The following ABCA13 variants were observed in gnomAD, a reference collection of about 807,000 sequenced individuals.
ABCA13 encodes ATP binding cassette subfamily A member 13.
A neutral mutation model predicts 478.7 loss-of-function variants in ABCA13; 476 were observed. That is an observed-to-expected ratio of 0.99 (90% CI 0.92 to 1.07). The LOEUF is 1.07. Among genes scored for constraint, ABCA13 ranks in the 50% least tolerant of loss-of-function variants. The probability of loss-of-function intolerance (pLI) is 0.00; values close to 1 mark genes in which losing one functional copy is unlikely to be tolerated. For missense variants in ABCA13, 6,060 were observed against 5,910.6 expected, an observed-to-expected ratio of 1.03 and a Z score of -0.83; for synonymous variants, 2,252 against 2,158.9, an observed-to-expected ratio of 1.04 and a Z score of -1.20.
intron 43 of ABCA13, among the ~76,000 whole-genome samples, chr7:48,466,732 A>C (rs1384964545): frequency 1.3e-5 from 2 of 152,236 alleles, no homozygotes; most frequent in Admixed American, 6.5e-5. Context: ...ATAAAAATGC[A>C]TATCTGATGG....
chr7:48,346,060 A>C (rs1439869730), intron 29 of ABCA13, among the ~76,000 whole-genome samples: 1 of 152,214 alleles, frequency 6.6e-6, no homozygotes, highest in African/African-American at 2.4e-5. Context: ...GCAATAGGCT[A>C]TGCTATACAG....
chr7:48,338,296 C>T (rs954654336), intron 28 of ABCA13, 69 bp from the exon 29 acceptor site: 2 of 1,160,390 alleles, frequency 1.7e-6, no homozygotes, highest in African/African-American at 1.6e-5. Context: ...TTGAATAAGT[C>T]TAATAAGTAT....
intron 56 of ABCA13, among the ~76,000 whole-genome samples, chr7:48,584,527 C>T (rs1371978861): frequency 6.6e-6 from 1 of 152,052 alleles, no homozygotes; most frequent in Non-Finnish European, 1.5e-5. Context: ...CTATATTGAG[C>T]CCATGTGGGT....
intron 38 of ABCA13, among the ~76,000 whole-genome samples, chr7:48,394,380 T>A (rs1292213783): frequency 1.3e-5 from 2 of 152,178 alleles, no homozygotes; most frequent in Non-Finnish European, 2.9e-5. Context: ...TTCGCTGCGT[T>A]CGTGTTGTGA....
intron 49 of ABCA13, among the ~76,000 whole-genome samples, chr7:48,507,207 G>A (rs1563367475): frequency 1.3e-5 from 2 of 152,192 alleles, no homozygotes; most frequent in Non-Finnish European, 2.9e-5. Context: ...CGACACGATG[G>A]AGCAGAAGGC....
rs576649678 is a variant in ABCA13, at chr7:48,198,298, T to G, written c.225T>G (p.Leu75=). ...TTATCCCCTTTGTTCAAAGCCTTCT[T>G]TGTAACACTGGATCAAGGTGTAGGA... ...CGVIPFVQSL[L]CNTGSRCRNF... Residue 75 remains leucine (L), a synonymous_variant, in exon 3 of 62, where the codon CTT becomes CTG. Transcript: ENST00000435803. 6.2e-7 allele frequency: 1 copy of G among 1,613,842 alleles called. No homozygotes were observed. The highest frequency in any genetic ancestry group is 1.7e-5 in the Admixed American group (1 of 60,018).
At chr7:48,418,447 G>A (rs188847270) in intron 41 of ABCA13, among the ~76,000 whole-genome samples, 135 of 152,300 alleles carry the variant, frequency 8.9e-4, no homozygotes, top group African/African-American at 3.2e-3. Flanking sequence ...ATGATGTGGA[G>A]CAACTTTTCA....
chr7:48,229,762 A>C, intron 6 of ABCA13, 63 bp from the exon 7 acceptor site: 1 of 1,597,068 alleles, frequency 6.3e-7, no homozygotes, highest in Non-Finnish European at 8.6e-7. Context: ...TAAACCTAGA[A>C]TTGATGCTAC....
At chr7:48,516,997 T>G (rs1486073265) in intron 52 of ABCA13, 116 bp downstream of exon 52, 1 of 1,159,764 alleles carries the variant, frequency 8.6e-7, no homozygotes, top group Non-Finnish European at 1.2e-6. Context: ...TGCATTGGTA[T>G]CCACTGTCTT....
At position 48,520,211 on chromosome 7, in the gene ABCA13, G is replaced by C; in HGVS notation, c.13968G>C (p.Trp4656Cys). ...VSPFEMNFLGWIFVQLASQGT... is the reference protein window; with the variant it reads ...VSPFEMNFLGCIFVQLASQGT... The stretch of plus-strand genomic sequence containing the variant: ...CCTTTGAGATGAACTTTCTGGGCTG[G>C]ATCTTCGTGCAACTGGCCTCGCAGG... The change falls in exon 53 of 62, where the codon TGG becomes TGC. Residue 4656 changes from tryptophan (W) to cysteine (C), a missense_variant. Trp to Cys is a radical substitution (Grantham distance 215). Transcript: ENST00000435803. 6.2e-7 allele frequency: 1 copy of C among 1,613,628 alleles called. No homozygotes were observed. The highest frequency in any genetic ancestry group is 1.3e-5 in the African/African-American group (1 of 74,962).
At chr7:48,344,911 T>C (rs1807823593) in intron 29 of ABCA13, among the ~76,000 whole-genome samples, 1 of 152,232 alleles carries the variant, frequency 6.6e-6, no homozygotes, top group Non-Finnish European at 1.5e-5. Flanking sequence ...ACAAAGATAT[T>C]GCTTCTTTCC....
chr7:48,275,061 T>C lies in ABCA13; in HGVS notation c.5395T>C (p.Leu1799=), dbSNP rs749233194. ...CTTCGCAATTGTGATAAAAATTCTT[T>C]TGGATACAATTGAATTAGTATCAGA... ...EDFAIVIKIL[L]DTIELVSDKP... The change falls in exon 17 of 62, where the codon TTG becomes CTG. Residue 1799 remains leucine, a synonymous_variant. Coordinates refer to ENST00000435803, the MANE Select transcript of ABCA13 (RefSeq NM_152701.5). 18 of 1,613,342 alleles carry C rather than the reference T, an allele frequency of 1.1e-5. No homozygotes were observed. Among genetic ancestry groups the C allele is most frequent in the Non-Finnish European group, 1.4e-5 (17 of 1,179,610 alleles).
intron 1 of ABCA13, among the ~76,000 whole-genome samples, chr7:48,179,511 G>A (rs1795360679): frequency 1.3e-5 from 2 of 152,184 alleles, no homozygotes; most frequent in African/African-American, 4.8e-5. Flanking sequence ...GGCTGTCCCG[G>A]CCAGACAGCA....
chr7:48,205,160 G>A (rs770609075), intron 3 of ABCA13, among the ~76,000 whole-genome samples: 6 of 152,130 alleles, frequency 3.9e-5, no homozygotes, highest in African/African-American at 1.4e-4. Context: ...TTTTTACACC[G>A]TGTTTAGTAT....
In ABCA13 at chr7:48,215,351, C is replaced by T. The variant is rs180840736; in HGVS notation, c.288-4003C>T. Among the ~76,000 whole-genome samples the T allele has an allele frequency of 2.6e-5, 4 of 152,140 alleles. No homozygotes were observed. The East Asian group carries it at 7.7e-4, about 29-fold the overall frequency. On this transcript the variant is annotated intron_variant, in intron 3 of 61. Transcript: ENST00000435803. ...AATATTTATTGATTGAGTTCTCCAT[C>T]TTATATGGGCATGGTTTGTGGCATC...
intron 1 of ABCA13, among the ~76,000 whole-genome samples, chr7:48,175,754 C>T (rs771151821): frequency 6.6e-6 from 1 of 152,086 alleles, no homozygotes; most frequent in Admixed American, 6.5e-5. Context: ...TATAGTCATC[C>T]TATAGTCATA....
At position 48,483,068 on chromosome 7, in the gene ABCA13, G is replaced by A. The variant is rs747470584; in HGVS notation, c.13095-8G>A. 6.2e-7 allele frequency: 1 copy of A among 1,606,830 alleles called. No homozygotes were observed. Among genetic ancestry groups the A allele is most frequent in the Non-Finnish European group, 8.5e-7 (1 of 1,176,848 alleles). ...TTGAAGCACTAACACAATGTTCATT[G>A]TTAACAGGCTTGGAGGTTGGTCTTT... On this transcript the variant is annotated splice_polypyrimidine_tract_variant and splice_region_variant and intron_variant, in intron 46 of 61. Coordinates refer to ENST00000435803, the MANE Select transcript of ABCA13 (RefSeq NM_152701.5).
At chr7:48,394,199 G>A (rs547482745) in intron 38 of ABCA13, among the ~76,000 whole-genome samples, 3 of 152,096 alleles carry the variant, frequency 2.0e-5, no homozygotes, top group South Asian at 2.1e-4. Context: ...ACATTCTTGT[G>A]CCTATTGTCT....
chr7:48,410,265 C>T (rs528042919), intron 39 of ABCA13, among the ~76,000 whole-genome samples: 1 of 152,166 alleles, frequency 6.6e-6, no homozygotes, highest in South Asian at 2.1e-4. Context: ...CCCAGTTTCA[C>T]TCTCCGTGCC....
Sources: gnomAD v4.1 joint callset for allele counts (sites outside exome capture counted in the v4.1 genomes callset) on GRCh38, gnomAD v4.1.1 for gene constraint, MANE v1.5 for transcripts, NCBI Gene and HGNC (gene_info 2026-07-23, HGNC 2026-07-21) for gene names.